The following TMBIM6 variants were observed in gnomAD, a reference collection of about 807,000 sequenced individuals.
TMBIM6 encodes the protein transmembrane BAX inhibitor motif containing 6.
A neutral mutation model predicts 31.4 loss-of-function variants in TMBIM6; 13 were observed. That is an observed-to-expected ratio of 0.41 (90% CI 0.27 to 0.66). TMBIM6 has a LOEUF of 0.66. Ranked by LOEUF, TMBIM6 falls within the 30% of genes least tolerant of loss-of-function variation. TMBIM6 has a pLI of 0.28. For synonymous variants in TMBIM6, 85 were observed against 101.7 expected (o/e 0.84, Z 0.99); for missense variants, 275 against 289.5 (o/e 0.95, Z 0.36).
intron 9 of TMBIM6, among the ~76,000 whole-genome samples, chr12:49,762,537 C>CTT (rs1331242476): frequency 1.3e-5 from 2 of 152,166 alleles, no homozygotes; most frequent in Non-Finnish European, 2.9e-5. Context: ...TAGTTTCACT[C>CTT]TTTGAGGATA....
intron 1 of TMBIM6, among the ~76,000 whole-genome samples, chr12:49,745,343 A>G (rs1173803092): frequency 6.6e-6 from 1 of 152,258 alleles, no homozygotes; most frequent in Non-Finnish European, 1.5e-5. Context: ...CCATTTAAAC[A>G]AAAGTACAGA....
Position 49,755,699 on chromosome 12 carries a change from G to A in TMBIM6, c.230G>A (p.Ser77Asn), listed in dbSNP as rs755073085. ...ATTTGGCTGATGGCAACACCTCATA[G>A]CCATGAAACTGAACAGAAAAGACTG... ...LMIWLMATPH[S>N]HETEQKRLGL... Residue 77 changes from serine (S) to asparagine (N), a missense_variant, in exon 4 of 10, where the codon AGC (serine) becomes AAC (asparagine). Physicochemically the swap from Ser to Asn is conservative, Grantham distance 46. Coordinates refer to ENST00000267115, the MANE Select transcript of TMBIM6 (RefSeq NM_003217.3). 1.2e-6 allele frequency: 2 copies of A among 1,614,170 alleles called. No individual in the cohort carries two copies. The highest frequency in any genetic ancestry group is 1.7e-6 in the Non-Finnish European group (2 of 1,180,034).
rs2136943608 is a variant in TMBIM6 at position 49,752,613 on chromosome 12, CT to C, written c.56+65del. 20 of 1,362,420 alleles carry C rather than the reference CT, an allele frequency of 1.5e-5. No homozygotes were observed. The South Asian group carries it at 2.3e-4, about 15-fold the overall frequency. The allele number at this position is 1,362,420 out of a possible 1,614,324, so 84.4% of individuals were successfully genotyped here. A position where few individuals can be genotyped will look rare whatever the true frequency, so the allele number is the denominator to read the frequency against. On this transcript the variant is annotated intron_variant, in intron 2 of 9. Coordinates refer to ENST00000267115, the MANE Select transcript of TMBIM6 (RefSeq NM_003217.3). The stretch of plus-strand genomic sequence containing the variant: ...CTTTTCATATCTCTTTGTCCCTTTT[CT>C]GCATTTATAACTTTTGTGTGTATAA...
intron 1 of TMBIM6, chr12:49,744,487 C>T (rs899712909): frequency 6.6e-6 from 1 of 152,112 alleles, no homozygotes; most frequent in Non-Finnish European, 1.5e-5. Context: ...GTGTTCGAGA[C>T]CAAGGAGAGA....
chr12:49,757,789 C>G (rs1188577036), intron 4 of TMBIM6, among the ~76,000 whole-genome samples: 1 of 152,220 alleles, frequency 6.6e-6, no homozygotes, highest in East Asian at 1.9e-4. Context: ...CCTGCAGAAC[C>G]AGTCTCACCT....
chr12:49,744,148 A>T (rs903240194), intron 1 of TMBIM6, among the ~76,000 whole-genome samples: 1 of 152,186 alleles, frequency 6.6e-6, no homozygotes, highest in African/African-American at 2.4e-5. Context: ...TTGATGTGTG[A>T]GGATTGAAGG....
chr12:49,755,938 A>T (rs1246324846), intron 4 of TMBIM6, among the ~76,000 whole-genome samples, 183 bp downstream of exon 4: 1 of 145,750 alleles, frequency 6.9e-6, no homozygotes, highest in Admixed American at 7.0e-5. Flanking sequence ...GGTTCACACC[A>T]TTCTTCTGCT....
intron 2 of TMBIM6, 114 bp from the exon 3 acceptor site, chr12:49,752,858 AT>A: frequency 1.0e-6 from 1 of 1,000,988 alleles, no homozygotes; most frequent in Non-Finnish European, 1.5e-6. Flanking sequence ...ATTTCAAACT[AT>A]TTGTAACAGA....
chr12:49,758,581 G>C (rs1945652332), intron 6 of TMBIM6, 101 bp downstream of exon 6: 1 of 1,549,090 alleles, frequency 6.5e-7, no homozygotes, highest in Non-Finnish European at 8.9e-7. Context: ...CTATTGAGTT[G>C]AGATTAACCT....
chr12:49,746,761 C>T (rs1416919521), intron 1 of TMBIM6, among the ~76,000 whole-genome samples: 1 of 151,754 alleles, frequency 6.6e-6, no homozygotes, highest in Non-Finnish European at 1.5e-5. Context: ...GCTTTCTTGG[C>T]CAAAAACACA....
At chr12:49,756,660 C>T (rs555647177) in intron 4 of TMBIM6, among the ~76,000 whole-genome samples, 34 of 151,006 alleles carry the variant, frequency 2.3e-4, no homozygotes, top group African/African-American at 7.8e-4. Flanking sequence ...CTCCTGACCT[C>T]GTGATCTGCT....
chr12:49,761,569 A>G (rs1001762775), intron 8 of TMBIM6, 135 bp from the exon 9 acceptor site: 1 of 697,920 alleles, frequency 1.4e-6, no homozygotes, highest in Admixed American at 2.8e-5. Flanking sequence ...CCAGAGTTTT[A>G]CTTCCTTAGT....
chr12:49,752,390 C>CTTTT, intron 1 of TMBIM6, 74 bp from the exon 2 acceptor site: 8 of 871,838 alleles, frequency 9.2e-6, no homozygotes, highest in South Asian at 2.0e-5. Flanking sequence ...TTACATGTTG[C>CTTTT]TTTTTTTTTT....
At chr12:49,747,024 G>T (rs976183652) in intron 1 of TMBIM6, among the ~76,000 whole-genome samples, 6 of 151,970 alleles carry the variant, frequency 3.9e-5, no homozygotes, top group Admixed American at 2.0e-4. Context: ...TTTTACTAGA[G>T]ACTGGGTGTC....
At chr12:49,751,857 G>A (rs1945500480) in intron 1 of TMBIM6, among the ~76,000 whole-genome samples, 1 of 146,506 alleles carries the variant, frequency 6.8e-6, no homozygotes, top group South Asian at 2.1e-4. Flanking sequence ...CTGCCTCCCA[G>A]GTTCAAGCAA....
At chr12:49,745,282 T>C (rs553019279) in intron 1 of TMBIM6, among the ~76,000 whole-genome samples, 6 of 152,334 alleles carry the variant, frequency 3.9e-5, no homozygotes, top group African/African-American at 1.4e-4. Context: ...AAAATGTCCA[T>C]GGCCCTGTGG....
rs1049671772 is a variant in TMBIM6, at chr12:49,758,708, G to C, written c.459G>C (p.Leu153Phe). Reference sequence around the variant, plus strand: ...GTATCTTGATGTCAGCCCTGAGCTTGTTGCTTTTGTCTTCCCTGGGGAATG... The same window carrying C: ...GTATCTTGATGTCAGCCCTGAGCTTCTTGCTTTTGTCTTCCCTGGGGAATG... ...LGGILMSALS[L>F]LLLSSLGNVF... The change falls in exon 7 of 10, where the codon TTG becomes TTC. Residue 153 changes from leucine to phenylalanine, a missense_variant. Coordinates refer to ENST00000267115, the MANE Select transcript of TMBIM6 (RefSeq NM_003217.3). 2.5e-6 allele frequency: 4 copies of C among 1,613,678 alleles called. No individual in the cohort carries two copies. Among genetic ancestry groups the C allele is most frequent in the Non-Finnish European group, 3.4e-6 (4 of 1,180,012 alleles).
chr12:49,757,316 A>G (rs948729985), intron 4 of TMBIM6, among the ~76,000 whole-genome samples: 1 of 152,256 alleles, frequency 6.6e-6, no homozygotes, highest in African/African-American at 2.4e-5. Flanking sequence ...CTTAGGTAGC[A>G]TAACCTATTA....
rs1242996068 is a variant in TMBIM6, at chr12:49,752,462, A to C, written c.-30-2A>C. The C allele has an allele frequency of 1.9e-6, 3 of 1,608,232 alleles. No individual in the cohort carries two copies. The African/African-American group carries it at 4.0e-5, about 22-fold the overall frequency. On this transcript the variant is annotated splice_acceptor_variant, in intron 1 of 9. Transcript: ENST00000267115. LOFTEE classifies it low-confidence loss of function (5UTR_SPLICE). ...TGACTCTAACCTTTCTTTATTCTGC[A>C]GAGTGGAGACTGCTGCACGGACTCT...
Sources: allele counts gnomAD v4.1 joint callset (sites outside exome capture counted in the v4.1 genomes callset), GRCh38; gene constraint gnomAD v4.1.1; transcripts MANE v1.5; gene names NCBI Gene and HGNC (gene_info 2026-07-23, HGNC 2026-07-21).